The following CA5A variants were observed in gnomAD, a reference collection of about 807,000 sequenced individuals.
The protein encoded by CA5A is carbonic anhydrase 5A, mitochondrial.
CA5A carries 28 observed loss-of-function variants against 37.1 expected under a neutral mutation model. The observed-to-expected ratio is 0.75, with a 90% CI of 0.56 to 1.03. The LOEUF (loss-of-function observed/expected upper bound fraction) is 1.03, where lower values mean the gene tolerates loss of function less well. Ranked by LOEUF, CA5A falls within the 50% of genes least tolerant of loss-of-function variation. The pLI is 0.00. For missense variants in CA5A, 444 were observed against 399.9 expected, an observed-to-expected ratio of 1.11 and a Z score of -0.94; for synonymous variants, 171 against 158.4, an observed-to-expected ratio of 1.08 and a Z score of -0.60.
intron 2 of CA5A, among the ~76,000 whole-genome samples, chr16:87,907,222 A>T (rs1290935235): frequency 5.9e-5 from 9 of 151,976 alleles, no homozygotes. Flanking sequence ...TGTCTCAAAA[A>T]CAAAACACAG....
At chr16:87,904,724 C>A (rs1220847863) in intron 3 of CA5A, 62 bp downstream of exon 3, 15 of 1,026,898 alleles carry the variant, frequency 1.5e-5, no homozygotes, top group Admixed American at 5.2e-5. Context: ...GTTCACCCCC[C>A]ACCATAGAGC....
At chr16:87,925,637 G>A (rs2056295133) in intron 2 of CA5A, 1 of 152,254 alleles carries the variant, frequency 6.6e-6, no homozygotes, top group Non-Finnish European at 1.5e-5. Context: ...TGATAAAAAT[G>A]CAAACATAAT....
intron 2 of CA5A, among the ~76,000 whole-genome samples, chr16:87,921,799 T>C (rs1263730838): frequency 1.3e-5 from 2 of 152,220 alleles, no homozygotes; most frequent in East Asian, 1.9e-4. Flanking sequence ...TGGATCTGCC[T>C]TGCACCTGCC....
At chr16:87,922,873 G>A (rs1412440256) in intron 2 of CA5A, among the ~76,000 whole-genome samples, 2 of 152,258 alleles carry the variant, frequency 1.3e-5, no homozygotes, top group Non-Finnish European at 2.9e-5. Flanking sequence ...GAGTCCCATT[G>A]GGAGGCCTCT....
At chr16:87,924,070 A>G (rs2056267733) in intron 2 of CA5A, 17 of 985,358 alleles carry the variant, frequency 1.7e-5, no homozygotes, top group Non-Finnish European at 2.0e-5. Context: ...AACTGAATAA[A>G]TGAATGCAAA....
At chr16:87,920,404 C>T (rs1332644375) in intron 2 of CA5A, among the ~76,000 whole-genome samples, 2 of 152,174 alleles carry the variant, frequency 1.3e-5, no homozygotes, top group Admixed American at 1.3e-4. Context: ...CCTCCGCCTC[C>T]TGGGTTCAAG....
chr16:87,918,874 A>G (rs2056192064), intron 2 of CA5A, among the ~76,000 whole-genome samples: 1 of 152,212 alleles, frequency 6.6e-6, no homozygotes, highest in African/African-American at 2.4e-5. Flanking sequence ...GAGAGGACCG[A>G]GAACCTGGAA....
intron 4 of CA5A, chr16:87,882,065 C>T (rs2055612480): frequency 6.6e-6 from 1 of 152,216 alleles, no homozygotes; most frequent in Non-Finnish European, 1.5e-5. Flanking sequence ...TTGGGCCTTT[C>T]TCTGTCCCCA....
intron 5 of CA5A, among the ~76,000 whole-genome samples, chr16:87,894,138 AT>A (rs965963849): frequency 2.0e-5 from 3 of 151,080 alleles, no homozygotes; most frequent in South Asian, 2.1e-4. Context: ...TATTTTTTTT[AT>A]TTTTTTTGAG....
chr16:87,918,847 A>G (rs1361301997), intron 2 of CA5A, among the ~76,000 whole-genome samples: 2 of 152,146 alleles, frequency 1.3e-5, no homozygotes, highest in African/African-American at 2.4e-5. Flanking sequence ...AACAAAGAGG[A>G]CAGAAAATCT....
At chr16:87,925,092 ACAGT>A (rs1452992396) in intron 2 of CA5A, among the ~76,000 whole-genome samples, 1 of 152,222 alleles carries the variant, frequency 6.6e-6, no homozygotes, top group African/African-American at 2.4e-5. Flanking sequence ...CATGGGAGCA[ACAGT>A]GAGTGAGCAA....
chr16:87,906,380 C>A (rs186141632), intron 2 of CA5A, among the ~76,000 whole-genome samples: 10 of 152,204 alleles, frequency 6.6e-5, no homozygotes, highest in African/African-American at 2.4e-4. Flanking sequence ...GTACTCCTAG[C>A]GCTTTGGGAG....
Position 87,890,611 on chromosome 16 carries a change from T to C in CA5A, c.774+1188A>G, listed in dbSNP as rs183125307. Among the ~76,000 whole-genome samples, 36 of 152,258 alleles carry C rather than the reference T, an allele frequency of 2.4e-4. No homozygotes were observed. The East Asian group carries it at 6.0e-3, about 25-fold the overall frequency. On this transcript the variant is annotated intron_variant, in intron 6 of 6. Transcript: ENST00000649794. ...GAAAAAAATGATAGTATAACTTTTA[T>C]TTATTTTTTATTTTATTTTTTTGAG...
At chr16:87,898,875 C>T (rs1307144804) in intron 5 of CA5A, among the ~76,000 whole-genome samples, 7 of 151,854 alleles carry the variant, frequency 4.6e-5, no homozygotes, top group African/African-American at 1.7e-4. Context: ...GCTGGGATTA[C>T]AGGAGTGTGC....
rs1331663619 is a variant in CA5A, at chr16:87,910,890, T to C, written c.341-5986A>G. Among the ~76,000 whole-genome samples the C allele has an allele frequency of 1.2e-4, 19 of 152,102 alleles. No homozygotes were observed. In the East Asian group the frequency reaches 3.1e-3, roughly 25 times the overall value. ...TGTGCTTCCCGAGTAGCTGGGATTA[T>C]AGGCACCCACCAGCATGCCCAGCTA... is the stretch of plus-strand genomic sequence containing the variant. On this transcript the variant is annotated intron_variant, in intron 2 of 6. Coordinates refer to ENST00000649794, the MANE Select transcript of CA5A (RefSeq NM_001739.2).
chr16:87,930,948 C>G (rs1011213644), intron 1 of CA5A, among the ~76,000 whole-genome samples: 1 of 151,766 alleles, frequency 6.6e-6, no homozygotes, highest in Non-Finnish European at 1.5e-5. Flanking sequence ...ACCGTGTTGG[C>G]TAGGATGGTC....
chr16:87,897,653 C>T (rs1012316106), intron 5 of CA5A, among the ~76,000 whole-genome samples: 1 of 152,220 alleles, frequency 6.6e-6, no homozygotes, highest in East Asian at 1.9e-4. Flanking sequence ...TGGGTTCTGA[C>T]TGCATGCGGG....
chr16:87,929,099 C>G (rs1038295030), intron 1 of CA5A, among the ~76,000 whole-genome samples: 2 of 147,632 alleles, frequency 1.4e-5, no homozygotes, highest in South Asian at 2.3e-4. Flanking sequence ...AAATTCCTAA[C>G]CACAGAATCA....
At chr16:87,893,784 A>C (rs2055760873) in intron 5 of CA5A, 10 of 386,906 alleles carry the variant, frequency 2.6e-5, no homozygotes, top group South Asian at 1.8e-4. Context: ...CAGCCAAAAA[A>C]CAAAAAGAGT....
Sources: allele counts gnomAD v4.1 joint callset (sites outside exome capture counted in the v4.1 genomes callset), GRCh38; gene constraint gnomAD v4.1.1; transcripts MANE v1.5; gene names NCBI Gene and HGNC (gene_info 2026-07-23, HGNC 2026-07-21).